Variants in ZCCHC8 observed in about 807,000 individuals in gnomAD.
The protein encoded by ZCCHC8 is zinc finger CCHC-type containing 8, also known as zinc finger CCHC domain-containing protein 8.
ZCCHC8 carries 27 observed loss-of-function variants against 70.6 expected under a neutral mutation model. The observed-to-expected ratio is 0.38, with a 90% CI of 0.28 to 0.53. The LOEUF is 0.53. ZCCHC8 is among the 20% of genes least tolerant of loss of function. The pLI is 0.81. For missense variants in ZCCHC8, 737 were observed against 876.9 expected, an observed-to-expected ratio of 0.84 and a Z score of 2.01; for synonymous variants, 293 against 317.4, an observed-to-expected ratio of 0.92 and a Z score of 0.82.
rs374121480 is a variant in ZCCHC8, at chr12:122,474,215, G to A, written c.1406C>T (p.Pro469Leu). 2 of 1,496,186 alleles carry A rather than the reference G, an allele frequency of 1.3e-6. No homozygotes were observed. The highest frequency in any genetic ancestry group is 1.4e-5 in the African/African-American group (1 of 70,298). 92.7% of individuals were successfully genotyped at this position (1,496,186 alleles called of 1,614,324 possible). A position where few individuals can be genotyped will look rare whatever the true frequency, so the allele number is the denominator to read the frequency against. ...CCGGGGGAGTGGAGGAGTGTCAGGA[G>A]GTAATGGTGGTTGAAACTGAAAACT... is the stretch of plus-strand genomic sequence containing the variant. ...SESFQFQPPL[P>L]PDTPPLPRGT... The change falls in exon 14 of 14, where the codon CCT becomes CTT. Residue 469 changes from proline to leucine, a missense_variant. Coordinates refer to ENST00000633063, the MANE Select transcript of ZCCHC8 (RefSeq NM_017612.5).
In ZCCHC8 at chr12:122,483,660, G is replaced by T; in HGVS notation, c.502-97C>A. On this transcript the variant is annotated intron_variant, in intron 5 of 13. Transcript: ENST00000633063. This position sits in a 1 kb window ranked among gnomAD's most constrained non-coding sequence, Gnocchi z 4.4. ...TTAACTGTTTTAACAATTTATTTTT[G>T]GATGGAATTATTAGAAATAATAACT... 3.0e-6 allele frequency: 3 copies of T among 1,008,480 alleles called. No individual in the cohort carries two copies. Among genetic ancestry groups the T allele is most frequent in the Non-Finnish European group, 4.4e-6 (3 of 684,946 alleles). 62.5% of individuals were successfully genotyped at this position (1,008,480 alleles called of 1,614,324 possible).
chr12:122,490,645 A>G, intron 3 of ZCCHC8, 78 bp from the exon 4 acceptor site: 1 of 793,562 alleles, frequency 1.3e-6, no homozygotes, highest in Non-Finnish European at 1.9e-6. Flanking sequence ...CATTACTGTA[A>G]GATTTCAAGT....
intron 13 of ZCCHC8, 145 bp downstream of exon 13, chr12:122,477,696 C>T (rs910749815): frequency 1.1e-5 from 7 of 653,290 alleles, no homozygotes; most frequent in East Asian, 2.9e-5. Flanking sequence ...GAGGCTGAGG[C>T]GGGAGAATAC....
At position 122,500,539 on chromosome 12, in the gene ZCCHC8, TC is replaced by T. The variant is rs1957907690; in HGVS notation, c.199+102del. The T allele has an allele frequency of 7.3e-7, 1 of 1,365,080 alleles. No individual in the cohort carries two copies. Among genetic ancestry groups the T allele is most frequent in the African/African-American group, 1.5e-5 (1 of 67,934 alleles). 84.6% of individuals were successfully genotyped at this position (1,365,080 alleles called of 1,614,324 possible). A position where few individuals can be genotyped will look rare whatever the true frequency, so the allele number is the denominator to read the frequency against. ...TTGGAATTCTGGCCCTCCTGGAACTTCCGCCCGCGCCCTCGCCCTCGCCCGG... is the reference window on the plus strand; with the variant it reads ...TTGGAATTCTGGCCCTCCTGGAACTTCGCCCGCGCCCTCGCCCTCGCCCGG... On this transcript the variant is annotated intron_variant, in intron 1 of 13. Coordinates refer to ENST00000633063, the MANE Select transcript of ZCCHC8 (RefSeq NM_017612.5). The surrounding 1 kb of genome is among the most constrained non-coding windows in gnomAD (Gnocchi z 4.8).
intron 12 of ZCCHC8, 43 bp from the exon 13 acceptor site, chr12:122,478,001 T>A: frequency 1.4e-6 from 2 of 1,460,940 alleles, no homozygotes; most frequent in Non-Finnish European, 1.9e-6. Context: ...GCGGGGTAGA[T>A]AATGAATTAA....
chr12:122,486,412 CAAAAAAAAAAAA>C (rs762392385), intron 5 of ZCCHC8, among the ~76,000 whole-genome samples: 1 of 50,858 alleles, frequency 2.0e-5, no homozygotes, highest in African/African-American at 6.5e-5. Context: ...GAGGCTGTCT[CAAAAAAAAAAAA>C]AAAAAAAAAA....
At chr12:122,475,913 G>A (rs911275006) in intron 13 of ZCCHC8, among the ~76,000 whole-genome samples, 2 of 152,186 alleles carry the variant, frequency 1.3e-5, no homozygotes, top group Admixed American at 1.3e-4. Flanking sequence ...GATGTGCTGT[G>A]AAGTTTCACT....
At position 122,500,016 on chromosome 12, in the gene ZCCHC8, CAG is replaced by C. The variant is rs2137380156; in HGVS notation, c.199+624_199+625del. ...CTGCAATCTTGTAACTCAAGTCTAA[CAG>C]AAACTTCTTTGGCGCGTTTTCCTCA... On this transcript the variant is annotated intron_variant, in intron 1 of 13. Coordinates refer to ENST00000633063, the MANE Select transcript of ZCCHC8 (RefSeq NM_017612.5). This position sits in a 1 kb window ranked among gnomAD's most constrained non-coding sequence, Gnocchi z 4.8. The C allele has an allele frequency of 6.6e-6, 1 of 152,306 alleles. No individual in the cohort carries two copies. Among genetic ancestry groups the C allele is most frequent in the East Asian group, 1.9e-4 (1 of 5,184 alleles). The allele number at this position is 152,306 out of a possible 1,614,324, so 9.4% of individuals were successfully genotyped here.
Position 122,489,373 on chromosome 12 carries a change from T to C in ZCCHC8, c.501+13A>G. 1.2e-6 allele frequency: 2 copies of C among 1,612,326 alleles called. No individual in the cohort carries two copies. The highest frequency in any genetic ancestry group is 3.3e-5 in the Admixed American group (2 of 59,732). ...CTATTGGCTGAATTCAAAACTGAAA[T>C]GTCCAAACTTACACTGAAAGCTTCC... On this transcript the variant is annotated intron_variant, in intron 5 of 13. Coordinates refer to ENST00000633063, the MANE Select transcript of ZCCHC8 (RefSeq NM_017612.5).
intron 2 of ZCCHC8, 67 bp from the exon 3 acceptor site, chr12:122,492,856 C>T (rs1032098135): frequency 3.8e-5 from 40 of 1,062,806 alleles, no homozygotes; most frequent in African/African-American, 2.4e-4. Context: ...TATATATAAA[C>T]GCATAACTTT....
chr12:122,473,511 TTTTGTTTTTCTGCTGGTTTCG>T lies in ZCCHC8; in HGVS notation c.2089_2109del (p.Arg697_Lys703del). The stretch of plus-strand genomic sequence containing the variant: ...AAGTCAAGCCATTATTCAGAGGCCT[TTTTGTTTTTCTGCTGGTTTCG>T]GGGTGAGTTCTTTAACAAGCTTCTT... On this transcript the variant is annotated inframe_deletion, in exon 14 of 14. Coordinates refer to ENST00000633063, the MANE Select transcript of ZCCHC8 (RefSeq NM_017612.5). 6.2e-7 allele frequency: 1 copy of T among 1,613,218 alleles called. No individual in the cohort carries two copies. The highest frequency in any genetic ancestry group is 8.5e-7 in the Non-Finnish European group (1 of 1,179,510).
chr12:122,495,125 G>A (rs1172388850), intron 2 of ZCCHC8, among the ~76,000 whole-genome samples: 1 of 152,184 alleles, frequency 6.6e-6, no homozygotes, highest in Non-Finnish European at 1.5e-5. Context: ...AATATTAAAT[G>A]TTAAATTAAG....
At chr12:122,484,142 GAGTAC>G (rs1189037551) in intron 5 of ZCCHC8, 1 of 152,522 alleles carries the variant, frequency 6.6e-6, no homozygotes, top group Non-Finnish European at 1.5e-5. Context: ...GCCCAGGCTG[GAGTAC>G]AGTGGTGCAA....
At chr12:122,488,802 C>A (rs1446257495) in intron 5 of ZCCHC8, among the ~76,000 whole-genome samples, 1 of 147,828 alleles carries the variant, frequency 6.8e-6, no homozygotes, top group East Asian at 2.0e-4. Flanking sequence ...ACCCGGGAGG[C>A]GGAGGTTGCA....
At chr12:122,493,600 T>G (rs1005182959) in intron 2 of ZCCHC8, among the ~76,000 whole-genome samples, 1 of 151,730 alleles carries the variant, frequency 6.6e-6, no homozygotes, top group Admixed American at 6.6e-5. Flanking sequence ...TTTTGTATTT[T>G]TATTTTTATT....
chr12:122,478,334 G>A, intron 11 of ZCCHC8, 42 bp from the exon 12 acceptor site: 3 of 1,426,986 alleles, frequency 2.1e-6, no homozygotes, highest in Non-Finnish European at 2.9e-6. Context: ...ACATGTATTT[G>A]GAAAATGTCA....
chr12:122,482,600 G>C, intron 8 of ZCCHC8, 35 bp downstream of exon 8: 2 of 1,551,838 alleles, frequency 1.3e-6, no homozygotes, highest in Non-Finnish European at 1.8e-6. Context: ...GAAAGCTCTT[G>C]TTCAAAGACT....
At position 122,500,522 on chromosome 12, in the gene ZCCHC8, C is replaced by G; in HGVS notation, c.199+120G>C. ...CGGGTGACAGAAAGCACTTGGAATT[C>G]TGGCCCTCCTGGAACTTCCGCCCGC... On this transcript the variant is annotated intron_variant, in intron 1 of 13. Coordinates refer to ENST00000633063, the MANE Select transcript of ZCCHC8 (RefSeq NM_017612.5). The surrounding 1 kb of genome is among the most constrained non-coding windows in gnomAD (Gnocchi z 4.8). 8.0e-7 allele frequency: 1 copy of G among 1,244,576 alleles called. No individual in the cohort carries two copies. Among genetic ancestry groups the G allele is most frequent in the Non-Finnish European group, 1.1e-6 (1 of 925,288 alleles). The allele number at this position is 1,244,576 out of a possible 1,614,324, so 77.1% of individuals were successfully genotyped here.
Position 122,472,224 on chromosome 12 carries a change from T to C in ZCCHC8, c.*1273A>G, listed in dbSNP as rs953658161. The C allele has an allele frequency of 9.1e-5, 13 of 142,968 alleles. No individual in the cohort carries two copies. The highest frequency in any genetic ancestry group is 3.8e-4 in the African/African-American group (13 of 34,216). The allele number at this position is 142,968 out of a possible 1,614,324, so 8.9% of individuals were successfully genotyped here. A position where few individuals can be genotyped will look rare whatever the true frequency, so the allele number is the denominator to read the frequency against. On this transcript the variant is annotated 3_prime_UTR_variant, in exon 14 of 14. Coordinates refer to ENST00000633063, the MANE Select transcript of ZCCHC8 (RefSeq NM_017612.5). The stretch of plus-strand genomic sequence containing the variant: ...ATTTACCTTTTTTTTTTTTTTTTTT[T>C]GAGATGGAGTTTTGCTCTTGTTGCC...
Sources: allele counts gnomAD v4.1 joint callset (sites outside exome capture counted in the v4.1 genomes callset), GRCh38; gene constraint gnomAD v4.1.1; non-coding constraint Gnocchi (gnomAD v3.1); transcripts MANE v1.5; gene names NCBI Gene and HGNC (gene_info 2026-07-23, HGNC 2026-07-21).